Variants in ZNG1B observed in about 807,000 individuals in gnomAD.
The protein encoded by ZNG1B is Zn regulated GTPase metalloprotein activator 1B.
the ZNG1B span, among the ~76,000 whole-genome samples, chr2:113,451,029 C>T: frequency 3.9e-5 from 6 of 152,132 alleles, no homozygotes; most frequent in Admixed American, 2.6e-4. Context: ...CGACCTCAGA[C>T]CTCTCATTTC....
the ZNG1B span, chr2:113,445,571 G>T: frequency 6.7e-6 from 1 of 150,258 alleles, no homozygotes; most frequent in Non-Finnish European, 1.5e-5. Context: ...TTATTACACT[G>T]CATTGATAAG....
chr2:113,482,868 TAATCTTCCTTCCTCTCTCTC>T, the ZNG1B span, among the ~76,000 whole-genome samples: 1 of 106,346 alleles, frequency 9.4e-6, no homozygotes, highest in South Asian at 3.8e-4. Flanking sequence ...GCAGTGTGCC[TAATCTTCCTTCCTCTCTCTC>T]AAGTGATCAC....
At chr2:113,477,125 C>A in the ZNG1B span, among the ~76,000 whole-genome samples, 1 of 152,226 alleles carries the variant, frequency 6.6e-6, no homozygotes, top group African/African-American at 2.4e-5. Flanking sequence ...GCCTCGCTGC[C>A]GCCTTGTAGT....
chr2:113,448,931 A>T, the ZNG1B span, among the ~76,000 whole-genome samples: 1 of 151,780 alleles, frequency 6.6e-6, no homozygotes, highest in Non-Finnish European at 1.5e-5. Flanking sequence ...AATAAAAAAT[A>T]AGTCTGTTGC....
At chr2:113,456,631 A>G in the ZNG1B span, among the ~76,000 whole-genome samples, 1 of 151,760 alleles carries the variant, frequency 6.6e-6, no homozygotes, top group Admixed American at 6.6e-5. Flanking sequence ...AATAATGCAA[A>G]CACAGTAAAC....
chr2:113,464,131 AC>A, the ZNG1B span, among the ~76,000 whole-genome samples: 1 of 121,868 alleles, frequency 8.2e-6, no homozygotes, highest in African/African-American at 3.1e-5. Context: ...TGTTAACAGT[AC>A]TAGAAATGAA....
the ZNG1B span, among the ~76,000 whole-genome samples, chr2:113,484,528 A>G: frequency 6.6e-6 from 1 of 152,200 alleles, no homozygotes; most frequent in Non-Finnish European, 1.5e-5. Context: ...AACCCCATCA[A>G]ATGCTTCATG....
the ZNG1B span, chr2:113,453,027 A>G: frequency 6.9e-7 from 1 of 1,456,232 alleles, no homozygotes; most frequent in Non-Finnish European, 9.3e-7. Context: ...TTTCCATAAG[A>G]AGATATATGT....
At chr2:113,462,336 C>G in the ZNG1B span, 2 of 1,417,538 alleles carry the variant, frequency 1.4e-6, no homozygotes, top group African/African-American at 1.4e-5. Flanking sequence ...TAGCATTCCT[C>G]TTTTGATGTA....
the ZNG1B span, among the ~76,000 whole-genome samples, chr2:113,438,619 G>C: frequency 2.0e-5 from 3 of 151,666 alleles, no homozygotes; most frequent in Non-Finnish European, 2.9e-5. Context: ...AACTAAGAAC[G>C]TTTAGAGTGT....
the ZNG1B span, chr2:113,439,240 A>G: frequency 6.7e-7 from 1 of 1,487,674 alleles, no homozygotes; most frequent in Non-Finnish European, 9.1e-7. Context: ...CCCTTTCTGA[A>G]ACACTGTTCT....
At chr2:113,443,211 G>A in the ZNG1B span, among the ~76,000 whole-genome samples, 8,366 of 151,900 alleles carry the variant, frequency 0.055, 802 homozygotes, top group African/African-American at 0.19. Flanking sequence ...CTCGTGATCC[G>A]CCCGCCTTGG....
At chr2:113,454,666 A>G in the ZNG1B span, 1 of 1,458,592 alleles carries the variant, frequency 6.9e-7, no homozygotes. Context: ...TTTAATTTTC[A>G]TTCTGAAGTA....
At chr2:113,446,743 T>TAC in the ZNG1B span, among the ~76,000 whole-genome samples, 7,575 of 141,704 alleles carry the variant, frequency 0.053, 362 homozygotes, top group African/African-American at 0.19. Flanking sequence ...CAAGACTGTA[T>TAC]ACACACACAC....
the ZNG1B span, chr2:113,438,145 A>G: frequency 6.2e-7 from 1 of 1,601,396 alleles, no homozygotes; most frequent in Non-Finnish European, 8.5e-7. Flanking sequence ...TCTTCGAGGT[A>G]GGGGCTGGGT....
At chr2:113,453,057 C>T in the ZNG1B span, 38 of 1,484,606 alleles carry the variant, frequency 2.6e-5, no homozygotes, top group Non-Finnish European at 3.5e-5. Context: ...TTAATTTTAT[C>T]AGGGCAAATT....
At chr2:113,487,703 C>T in the ZNG1B span, among the ~76,000 whole-genome samples, 4 of 144,050 alleles carry the variant, frequency 2.8e-5, no homozygotes, top group Admixed American at 6.7e-5. Flanking sequence ...TAGTATATGA[C>T]GGGATTTTTT....
At chr2:113,449,286 C>T in the ZNG1B span, among the ~76,000 whole-genome samples, 3 of 151,494 alleles carry the variant, frequency 2.0e-5, no homozygotes, top group Non-Finnish European at 4.4e-5. Flanking sequence ...CTTTTAATTT[C>T]CTTCAAGAAC....
At chr2:113,483,411 G>T in the ZNG1B span, among the ~76,000 whole-genome samples, 1 of 151,640 alleles carries the variant, frequency 6.6e-6, no homozygotes, top group African/African-American at 2.4e-5. Context: ...TACAGGGCTT[G>T]GTGGGTACTC....
Sources: gnomAD v4.1 joint callset for allele counts (sites outside exome capture counted in the v4.1 genomes callset) on GRCh38, gnomAD v4.1.1 for gene constraint, MANE v1.5 for transcripts, NCBI Gene and HGNC (gene_info 2026-07-23, HGNC 2026-07-21) for gene names.